Variants in CTNNBL1 observed in about 807,000 individuals in gnomAD.
CTNNBL1 encodes the protein catenin beta like 1, also known as beta-catenin-like protein 1.
A neutral mutation model predicts 72.7 loss-of-function variants in CTNNBL1; 31 were observed. The ratio of observed to expected loss-of-function variants is 0.43; its 90% CI spans 0.32 to 0.58. The LOEUF (loss-of-function observed/expected upper bound fraction) is 0.58. Among genes scored for constraint, CTNNBL1 ranks in the 20% least tolerant of loss-of-function variants. The pLI is 0.08. For synonymous variants in CTNNBL1, 240 were observed against 267.3 expected (o/e 0.90, Z 1.00); for missense variants, 534 against 725.1 (o/e 0.74, Z 3.03).
chr20:37,741,194 T>C (rs1395451108), intron 3 of CTNNBL1, among the ~76,000 whole-genome samples: 1 of 152,220 alleles, frequency 6.6e-6, no homozygotes, highest in Non-Finnish European at 1.5e-5. Context: ...CCTCTAACTT[T>C]ATCCTTTCCC....
chr20:37,805,628 C>G (rs896960596), intron 11 of CTNNBL1, among the ~76,000 whole-genome samples: 1 of 152,010 alleles, frequency 6.6e-6, no homozygotes, highest in Non-Finnish European at 1.5e-5. Context: ...AACTCCTGAC[C>G]TCAAGTGATC....
chr20:37,726,173 A>C (rs893749461), intron 1 of CTNNBL1, among the ~76,000 whole-genome samples: 1 of 152,164 alleles, frequency 6.6e-6, no homozygotes, highest in Non-Finnish European at 1.5e-5. Flanking sequence ...TTGACTTCAA[A>C]ACTCATTCTC....
intron 13 of CTNNBL1, among the ~76,000 whole-genome samples, chr20:37,852,214 G>C (rs1447056964): frequency 1.3e-5 from 2 of 152,188 alleles, no homozygotes; most frequent in Non-Finnish European, 2.9e-5. Flanking sequence ...CGTACATATA[G>C]ATTTTCACTC....
chr20:37,697,496 G>A (rs557995241), intron 1 of CTNNBL1, among the ~76,000 whole-genome samples: 1 of 152,316 alleles, frequency 6.6e-6, no homozygotes, highest in African/African-American at 2.4e-5. Context: ...TAGCTGAAAC[G>A]GGAAGTGAGC....
At chr20:37,870,298 C>T (rs2072572708) in intron 15 of CTNNBL1, among the ~76,000 whole-genome samples, 1 of 152,078 alleles carries the variant, frequency 6.6e-6, no homozygotes, top group South Asian at 2.1e-4. Context: ...CTTCCATGCT[C>T]CAGTACTTCT....
chr20:37,717,883 G>A (rs1441941743), intron 1 of CTNNBL1, among the ~76,000 whole-genome samples: 3 of 152,130 alleles, frequency 2.0e-5, no homozygotes, highest in Non-Finnish European at 4.4e-5. Flanking sequence ...ATTTAACCCT[G>A]GGTGGACACA....
intron 13 of CTNNBL1, among the ~76,000 whole-genome samples, chr20:37,852,910 A>C (rs1483834250): frequency 6.6e-6 from 1 of 152,112 alleles, no homozygotes; most frequent in Non-Finnish European, 1.5e-5. Flanking sequence ...GACACTAGTA[A>C]ATTAGTGTTT....
chr20:37,752,556 C>CTT (rs551563749), intron 4 of CTNNBL1, among the ~76,000 whole-genome samples: 17 of 143,768 alleles, frequency 1.2e-4, no homozygotes, highest in African/African-American at 3.5e-4. Flanking sequence ...TCTTATTTCT[C>CTT]TTTTTTTTTT....
At chr20:37,850,472 C>T (rs982767161) in intron 13 of CTNNBL1, among the ~76,000 whole-genome samples, 6 of 119,002 alleles carry the variant, frequency 5.0e-5, no homozygotes, top group Non-Finnish European at 7.3e-5. Context: ...CTGCAACATG[C>T]GTATGTGCTG....
chr20:37,697,086 G>C (rs1255118920), intron 1 of CTNNBL1, among the ~76,000 whole-genome samples: 4 of 152,158 alleles, frequency 2.6e-5, no homozygotes, highest in Non-Finnish European at 2.9e-5. Flanking sequence ...GGGAGGCTGA[G>C]GCAGGAGAAT....
At chr20:37,808,097 C>T (rs959909478) in intron 11 of CTNNBL1, among the ~76,000 whole-genome samples, 14 of 152,098 alleles carry the variant, frequency 9.2e-5, no homozygotes, top group Admixed American at 5.2e-4. Flanking sequence ...GGTGAGCCAC[C>T]GAGCAGCATG....
At chr20:37,795,709 G>T (rs979609054) in intron 10 of CTNNBL1, among the ~76,000 whole-genome samples, 6 of 151,744 alleles carry the variant, frequency 4.0e-5, no homozygotes, top group African/African-American at 1.5e-4. Flanking sequence ...TGCTTTTCTC[G>T]ACTTTCTTCA....
At chr20:37,761,056 G>C (rs555654613) in intron 5 of CTNNBL1, among the ~76,000 whole-genome samples, 1 of 152,074 alleles carries the variant, frequency 6.6e-6, no homozygotes, top group Non-Finnish European at 1.5e-5. Flanking sequence ...AGCTATGAGA[G>C]GGGCAGTGTT....
chr20:37,786,257 G>A (rs1207458157), intron 10 of CTNNBL1, among the ~76,000 whole-genome samples: 1 of 152,146 alleles, frequency 6.6e-6, no homozygotes, highest in Non-Finnish European at 1.5e-5. Context: ...ATTGACCACT[G>A]CCTGGCTGCT....
intron 3 of CTNNBL1, among the ~76,000 whole-genome samples, chr20:37,745,224 G>A (rs893014939): frequency 6.6e-6 from 1 of 152,118 alleles, no homozygotes; most frequent in Non-Finnish European, 1.5e-5. Flanking sequence ...GTTGCTTACC[G>A]ACTCCAGATT....
rs143161562 is a variant in CTNNBL1, at chr20:37,859,868, C to T, written c.1393-31C>T. The T allele has an allele frequency of 6.5e-5, 105 of 1,610,530 alleles. No individual in the cohort carries two copies. The African/African-American group carries it at 1.1e-3, about 16-fold the overall frequency. On this transcript the variant is annotated intron_variant, in intron 13 of 15. Transcript: ENST00000361383. Reference sequence around the variant, plus strand: ...TTCTTTCCTCCCATTCACTGTCCAGCTTTTATTCCTAAACGTTCATTTGTT... The same window carrying T: ...TTCTTTCCTCCCATTCACTGTCCAGTTTTTATTCCTAAACGTTCATTTGTT...
intron 1 of CTNNBL1, among the ~76,000 whole-genome samples, chr20:37,703,079 A>G (rs1224652357): frequency 1.3e-5 from 2 of 152,154 alleles, no homozygotes; most frequent in African/African-American, 4.8e-5. Flanking sequence ...TACAAAACCT[A>G]TATTCTTTGC....
chr20:37,840,231 C>G (rs375806811), intron 12 of CTNNBL1, 32 bp downstream of exon 12: 1 of 1,482,824 alleles, frequency 6.7e-7, no homozygotes, highest in Non-Finnish European at 9.4e-7. Context: ...AAGCTGGGAC[C>G]GGGACTGATA....
intron 10 of CTNNBL1, among the ~76,000 whole-genome samples, chr20:37,795,904 ATT>A (rs10602071): frequency 0.4 from 54,672 of 138,324 alleles, 11,759 homozygotes; most frequent in African/African-American, 0.61. Context: ...TAGATGTTGA[ATT>A]TTTTTTTTTT....
Sources: gnomAD v4.1 joint callset for allele counts (sites outside exome capture counted in the v4.1 genomes callset) on GRCh38, gnomAD v4.1.1 for gene constraint, MANE v1.5 for transcripts, NCBI Gene and HGNC (gene_info 2026-07-23, HGNC 2026-07-21) for gene names.